The following ZNF804A variants were observed in gnomAD, a reference collection of about 807,000 sequenced individuals.
ZNF804A encodes zinc finger protein 804A.
In ZNF804A, 2 loss-of-function variants were observed where a neutral mutation model predicts 16.5. The observed-to-expected ratio is 0.12, with a 90% CI of 0.05 to 0.38. The LOEUF (loss-of-function observed/expected upper bound fraction) is 0.38, where lower values mean the gene tolerates loss of function less well. ZNF804A is among the 10% of genes least tolerant of loss of function. ZNF804A has a pLI of 0.99. For synonymous variants in ZNF804A, 534 were observed against 489.6 expected, an observed-to-expected ratio of 1.09 and a Z score of -1.20; for missense variants, 1,473 against 1,390.7, an observed-to-expected ratio of 1.06 and a Z score of -0.94.
intron 1 of ZNF804A, among the ~76,000 whole-genome samples, chr2:184,787,326 G>A (rs1694464291): frequency 6.6e-6 from 1 of 151,806 alleles, no homozygotes; most frequent in Admixed American, 6.6e-5. Context: ...TATAACTGCA[G>A]GTGTCTCTTT....
intron 2 of ZNF804A, among the ~76,000 whole-genome samples, chr2:184,880,102 ATAGT>A (rs1324724398): frequency 6.6e-6 from 1 of 152,080 alleles, no homozygotes; most frequent in Non-Finnish European, 1.5e-5. Context: ...TTTATTGATC[ATAGT>A]TAGATTTTCT....
chr2:184,935,760 C>A, intron 3 of ZNF804A, 23 bp from the exon 4 acceptor site: 1 of 1,546,668 alleles, frequency 6.5e-7, no homozygotes, highest in Admixed American at 2.1e-5. Context: ...CTATTTAACA[C>A]ATGCTTCTGT....
intron 2 of ZNF804A, among the ~76,000 whole-genome samples, chr2:184,900,232 G>C (rs976172757): frequency 2.0e-5 from 3 of 151,986 alleles, no homozygotes; most frequent in African/African-American, 7.2e-5. Flanking sequence ...TTCATCTCTG[G>C]TGGAAGATAT....
chr2:184,857,138 G>A (rs73043275), intron 1 of ZNF804A, among the ~76,000 whole-genome samples: 4 of 151,484 alleles, frequency 2.6e-5, no homozygotes, highest in Non-Finnish European at 4.4e-5. Context: ...GATTGCTTTC[G>A]TTGCATTCCT....
chr2:184,791,742 C>G (rs1694547892), intron 1 of ZNF804A, among the ~76,000 whole-genome samples: 2 of 152,108 alleles, frequency 1.3e-5, no homozygotes, highest in South Asian at 4.1e-4. Context: ...CTTGGTGTTT[C>G]ATATTCTATG....
chr2:184,724,654 A>T (rs1362876083), intron 1 of ZNF804A, among the ~76,000 whole-genome samples: 1 of 151,730 alleles, frequency 6.6e-6, no homozygotes, highest in African/African-American at 2.4e-5. Flanking sequence ...TCTTGTGCTG[A>T]TGTCTGATTC....
intron 2 of ZNF804A, among the ~76,000 whole-genome samples, chr2:184,885,797 G>A (rs1241588947): frequency 6.6e-6 from 1 of 152,064 alleles, no homozygotes; most frequent in Non-Finnish European, 1.5e-5. Context: ...GAACAGCACA[G>A]GAAAGACCGG....
At chr2:184,777,799 T>C (rs1558958876) in intron 1 of ZNF804A, among the ~76,000 whole-genome samples, 1 of 151,660 alleles carries the variant, frequency 6.6e-6, no homozygotes, top group African/African-American at 2.4e-5. Flanking sequence ...TCCCATAGCC[T>C]TTTTATCTAT....
intron 2 of ZNF804A, among the ~76,000 whole-genome samples, chr2:184,890,711 T>G (rs1684967704): frequency 6.6e-6 from 1 of 151,790 alleles, no homozygotes; most frequent in Non-Finnish European, 1.5e-5. Flanking sequence ...TCCTTGAGAA[T>G]AAATTGGTTT....
At chr2:184,696,686 T>C (rs1692836557) in intron 1 of ZNF804A, among the ~76,000 whole-genome samples, 2 of 152,044 alleles carry the variant, frequency 1.3e-5, no homozygotes, top group Admixed American at 6.6e-5. Flanking sequence ...TAACATATGG[T>C]TTTTCACAGA....
intron 1 of ZNF804A, among the ~76,000 whole-genome samples, chr2:184,800,202 G>A (rs1468335124): frequency 6.6e-6 from 1 of 151,786 alleles, no homozygotes; most frequent in Non-Finnish European, 1.5e-5. Context: ...TTAAATTTAT[G>A]AATTTTCTTA....
At chr2:184,667,227 G>C (rs146044907) in intron 1 of ZNF804A, among the ~76,000 whole-genome samples, 14 of 151,928 alleles carry the variant, frequency 9.2e-5, no homozygotes, top group African/African-American at 3.4e-4. Context: ...GACTAGAATT[G>C]TATTTAGTTG....
intron 1 of ZNF804A, among the ~76,000 whole-genome samples, chr2:184,639,980 C>T (rs756737592): frequency 6.6e-6 from 1 of 151,702 alleles, no homozygotes; most frequent in Non-Finnish European, 1.5e-5. Context: ...CCAGCCTGGG[C>T]GACAGGGCGA....
At chr2:184,625,922 GC>G (rs1691488187) in intron 1 of ZNF804A, among the ~76,000 whole-genome samples, 1 of 152,118 alleles carries the variant, frequency 6.6e-6, no homozygotes, top group African/African-American at 2.4e-5. Context: ...AGGCTGGAGT[GC>G]AGTGGCATGA....
chr2:184,851,351 C>G (rs1303652353), intron 1 of ZNF804A, among the ~76,000 whole-genome samples: 1 of 151,724 alleles, frequency 6.6e-6, no homozygotes, highest in African/African-American at 2.4e-5. Context: ...CAACCCCTAC[C>G]CCTATACCCT....
chr2:184,654,602 A>G (rs1692045154), intron 1 of ZNF804A, among the ~76,000 whole-genome samples: 1 of 152,162 alleles, frequency 6.6e-6, no homozygotes, highest in South Asian at 2.1e-4. Flanking sequence ...AAGGAAATCT[A>G]GAGAGGCAGA....
chr2:184,741,786 A>G (rs1693711951), intron 1 of ZNF804A, among the ~76,000 whole-genome samples: 1 of 152,168 alleles, frequency 6.6e-6, no homozygotes, highest in Non-Finnish European at 1.5e-5. Context: ...AGTTAATAAT[A>G]CACAGTTATC....
chr2:184,723,510 A>C, intron 1 of ZNF804A, among the ~76,000 whole-genome samples: 1 of 151,788 alleles, frequency 6.6e-6, no homozygotes, highest in East Asian at 1.9e-4. Flanking sequence ...TGTAACTATA[A>C]ATACTGAAGC....
chr2:184,926,996 T>C (rs542248631), intron 2 of ZNF804A, among the ~76,000 whole-genome samples: 26 of 152,364 alleles, frequency 1.7e-4, no homozygotes, highest in African/African-American at 6.0e-4. Context: ...TTCTTCAAGA[T>C]TGGTCCATCA....
Sources: allele counts gnomAD v4.1 joint callset (sites outside exome capture counted in the v4.1 genomes callset), GRCh38; gene constraint gnomAD v4.1.1; transcripts MANE v1.5; gene names NCBI Gene and HGNC (gene_info 2026-07-23, HGNC 2026-07-21).